PRCD: variants seen among roughly 807,000 people sequenced by gnomAD.
PRCD encodes the protein photoreceptor disk component PRCD.
A neutral mutation model predicts 10.1 loss-of-function variants in PRCD; 12 were observed. The observed-to-expected ratio is 1.18, with a 90% CI of 0.76 to 1.92. The LOEUF is 1.92. Ranked by LOEUF, PRCD falls within the 40% of genes most tolerant of loss-of-function variation. PRCD has a pLI of 0.00. For missense variants in PRCD, 61 were observed against 72.2 expected, an observed-to-expected ratio of 0.84 and a Z score of 0.56; for synonymous variants, 31 against 26.2, an observed-to-expected ratio of 1.18 and a Z score of -0.56.
intron 2 of PRCD, among the ~76,000 whole-genome samples, chr17:76,542,152 G>C (rs1567911978): frequency 6.6e-6 from 1 of 152,188 alleles, no homozygotes; most frequent in Non-Finnish European, 1.5e-5. Context: ...GGGATGCTCA[G>C]GCCCGATTCC....
upstream of PRCD, among the ~76,000 whole-genome samples, chr17:76,539,340 A>G (rs370029942): frequency 2.6e-5 from 4 of 152,342 alleles, no homozygotes; most frequent in South Asian, 2.1e-4. Context: ...CAAATGTAAT[A>G]TAGTCGTATG....
rs1377372688 is a variant in PRCD, at chr17:76,533,593, C to T, written n.45+5760C>T. ...AAAAAATTAGCCAGGTGTGGTGGCA[C>T]ACACCTTTGATTCCAGCTACTCAGG... On this transcript the variant is annotated intron_variant and non_coding_transcript_variant, in intron 1 of 4. Transcript: ENST00000397633. The surrounding 1 kb of genome is among the most constrained non-coding windows in gnomAD (Gnocchi z 4.5). Among the ~76,000 whole-genome samples, 1 of 151,842 alleles carries T rather than the reference C, an allele frequency of 6.6e-6. No homozygotes were observed. Among genetic ancestry groups the T allele is most frequent in the African/African-American group, 2.4e-5 (1 of 41,272 alleles).
upstream of PRCD, chr17:76,540,036 C>A (rs547310148): frequency 9.1e-6 from 11 of 1,205,570 alleles, no homozygotes; most frequent in African/African-American, 1.7e-4. The surrounding 1 kb of genome is among the most constrained non-coding windows in gnomAD (Gnocchi z 5.0). Context: ...CAGCAGGAAC[C>A]GCAGGACAGA....
At chr17:76,551,310 A>G (rs905325079) in intron 1 of PRCD, 1 of 152,218 alleles carries the variant, frequency 6.6e-6, no homozygotes, top group African/African-American at 2.4e-5. Flanking sequence ...AAATAACAGA[A>G]GAGATCCATG....
At chr17:76,542,712 T>C (rs1246461886) in intron 3 of PRCD, 79 bp downstream of exon 3, 4 of 876,286 alleles carry the variant, frequency 4.6e-6, no homozygotes, top group Non-Finnish European at 5.7e-6. Context: ...GTCCCGGCCA[T>C]GTGGGAGGAT....
chr17:76,528,156 C>T lies in PRCD; in HGVS notation n.45+323C>T, dbSNP rs1454705818. 54 of 382,396 alleles carry T rather than the reference C, an allele frequency of 1.4e-4. No homozygotes were observed. Among genetic ancestry groups the T allele is most frequent in the Non-Finnish European group, 1.4e-5 (3 of 217,842 alleles). The allele number at this position is 382,396 out of a possible 1,614,324, so 23.7% of individuals were successfully genotyped here. ...TGTATATATATATTTATATATAGCT[C>T]GTATATAGAATATATCTGTATATAT... On this transcript the variant is annotated intron_variant and non_coding_transcript_variant, in intron 1 of 4. Coordinates refer to the PRCD transcript ENST00000397633. This position sits in a 1 kb window ranked among gnomAD's most constrained non-coding sequence, Gnocchi z 5.8.
exon 2 of PRCD, chr17:76,553,145 C>A (rs1160181418): frequency 6.6e-6 from 1 of 152,072 alleles, no homozygotes; most frequent in African/African-American, 2.4e-5. Flanking sequence ...CTCGCAGATG[C>A]AAGATGGCTC....
intron 1 of PRCD, chr17:76,551,407 A>T (rs1282897012): frequency 6.6e-6 from 1 of 152,216 alleles, no homozygotes; most frequent in Non-Finnish European, 1.5e-5. Context: ...GGCTCTGCCA[A>T]GCAGGGAAGT....
At chr17:76,552,731 G>A (rs1002140967) in intron 1 of PRCD, 1 of 151,262 alleles carries the variant, frequency 6.6e-6, no homozygotes, top group African/African-American at 2.4e-5. Context: ...GGGTGTGATG[G>A]TGCACACCTG....
At position 76,531,759 on chromosome 17, in the gene PRCD, G is replaced by A; in HGVS notation, n.45+3926G>A. On this transcript the variant is annotated intron_variant and non_coding_transcript_variant, in intron 1 of 4. Coordinates refer to the PRCD transcript ENST00000397633. This position sits in a 1 kb window ranked among gnomAD's most constrained non-coding sequence, Gnocchi z 7.4. Reference sequence around the variant, plus strand: ...CTCGGGCCCACCCTGAAGCTTCCAGGATAGTGGGGGCTGAAGAAGTGGACC... The same window carrying A: ...CTCGGGCCCACCCTGAAGCTTCCAGAATAGTGGGGGCTGAAGAAGTGGACC... 1 of 1,352,052 alleles carries A rather than the reference G, an allele frequency of 7.4e-7. No homozygotes were observed. The highest frequency in any genetic ancestry group is 1.0e-6 in the Non-Finnish European group (1 of 980,874). The allele number at this position is 1,352,052 out of a possible 1,614,324, so 83.8% of individuals were successfully genotyped here.
Position 76,528,800 on chromosome 17 carries a change from A to G in PRCD, n.45+967A>G. The G allele has an allele frequency of 9.3e-7, 1 of 1,072,894 alleles. No homozygotes were observed. The highest frequency in any genetic ancestry group is 1.6e-5 in the African/African-American group (1 of 61,186). The allele number at this position is 1,072,894 out of a possible 1,614,324, so 66.5% of individuals were successfully genotyped here. ...TGCTACGAACGTGCTGTGTGATCTC[A>G]GGCAAGTCTACTGGCCCATGGGAGC... On this transcript the variant is annotated intron_variant and non_coding_transcript_variant, in intron 1 of 4. Coordinates refer to the PRCD transcript ENST00000397633. The surrounding 1 kb of genome is among the most constrained non-coding windows in gnomAD (Gnocchi z 5.8).
upstream of PRCD, chr17:76,538,399 C>G (rs2074947910): frequency 7.9e-5 from 32 of 406,542 alleles, 1 homozygote; most frequent in South Asian, 5.6e-4. Context: ...ACCTCGGGCG[C>G]CAGAGGCCTG....
chr17:76,537,319 G>C (rs1453300677), upstream of PRCD: 1 of 1,401,448 alleles, frequency 7.1e-7, no homozygotes, highest in Non-Finnish European at 9.3e-7. Context: ...GCTGGAGCTC[G>C]GACCCGGGCC....
upstream of PRCD, among the ~76,000 whole-genome samples, chr17:76,538,981 C>A (rs966991752): frequency 2.0e-5 from 3 of 152,240 alleles, no homozygotes; most frequent in African/African-American, 7.2e-5. Flanking sequence ...GGAGAACTCA[C>A]CCTGGCCAGC....
chr17:76,534,473 C>A (rs144721757), intron 1 of PRCD, among the ~76,000 whole-genome samples: 1 of 152,172 alleles, frequency 6.6e-6, no homozygotes, highest in Non-Finnish European at 1.5e-5. Flanking sequence ...GCCACGGTGC[C>A]CGGCCTGTTA....
At position 76,540,469 on chromosome 17, in the gene PRCD, G is replaced by A. The variant is rs528833785; in HGVS notation, c.75-36G>A. The stretch of plus-strand genomic sequence containing the variant: ...GAGGGACAGTGAGGGGCTGGGCACA[G>A]CCATAGCTCTTCCTCCCTACTCTTG... On this transcript the variant is annotated intron_variant, in intron 1 of 4. Transcript: ENST00000592014. This position sits in a 1 kb window ranked among gnomAD's most constrained non-coding sequence, Gnocchi z 5.0. 3 of 1,608,928 alleles carry A rather than the reference G, an allele frequency of 1.9e-6. No homozygotes were observed. Among genetic ancestry groups the A allele is most frequent in the South Asian group, 2.2e-5 (2 of 90,988 alleles).
At chr17:76,548,828 T>A (rs577799211), downstream of PRCD, among the ~76,000 whole-genome samples, 83 of 152,258 alleles carry the variant, frequency 5.5e-4, no homozygotes, top group Middle Eastern at 6.8e-3. Context: ...GGGCAAGATA[T>A]AAGCAGCAGA....
At chr17:76,529,983 C>G (rs2074815594) in intron 1 of PRCD, 4 of 985,218 alleles carry the variant, frequency 4.1e-6, no homozygotes, top group South Asian at 9.4e-5. Context: ...GGCCTGGCGT[C>G]CCCAGCTGCC....
downstream of PRCD, chr17:76,545,703 G>A (rs983457684): frequency 6.9e-5 from 19 of 276,818 alleles, no homozygotes; most frequent in Non-Finnish European, 1.3e-4. Flanking sequence ...ACTGGTATCT[G>A]TCTCTTAGAG....
Sources: allele counts gnomAD v4.1 joint callset (sites outside exome capture counted in the v4.1 genomes callset), GRCh38; gene constraint gnomAD v4.1.1; non-coding constraint Gnocchi (gnomAD v3.1); transcripts MANE v1.5; gene names NCBI Gene and HGNC (gene_info 2026-07-23, HGNC 2026-07-21).